The following PNKD variants were observed in gnomAD, a reference collection of about 807,000 sequenced individuals.
The protein encoded by PNKD is probable thioesterase PNKD.
In PNKD, 36 loss-of-function variants were observed where a neutral mutation model predicts 45.3. That is an observed-to-expected ratio of 0.80 (90% CI 0.61 to 1.05). The LOEUF (loss-of-function observed/expected upper bound fraction) is 1.05, where lower values mean the gene tolerates loss of function less well. Ranked by LOEUF, PNKD falls within the 50% of genes least tolerant of loss-of-function variation. The probability of loss-of-function intolerance (pLI) is 0.00; values close to 1 mark genes in which losing one functional copy is unlikely to be tolerated. For missense variants in PNKD, 511 were observed against 506.6 expected, an observed-to-expected ratio of 1.01 and a Z score of -0.08; for synonymous variants, 197 against 210.1, an observed-to-expected ratio of 0.94 and a Z score of 0.54.
chr2:218,276,119 A>C, intron 2 of PNKD: 2 of 1,601,972 alleles, frequency 1.2e-6, no homozygotes, highest in Non-Finnish European at 1.7e-6. Flanking sequence ...TAGAAACCTC[A>C]GCAAACCACA....
At chr2:218,337,499 C>T (rs1445788245) in intron 2 of PNKD, among the ~76,000 whole-genome samples, 1 of 152,214 alleles carries the variant, frequency 6.6e-6, no homozygotes, top group Non-Finnish European at 1.5e-5. Context: ...CTATTTGCAG[C>T]ATAAATAGGT....
intron 2 of PNKD, among the ~76,000 whole-genome samples, chr2:218,328,477 C>A (rs928467156): frequency 6.6e-6 from 1 of 152,192 alleles, no homozygotes; most frequent in Non-Finnish European, 1.5e-5. Context: ...CTCCCCCAAC[C>A]AGAATATGGC....
chr2:218,278,768 G>A (rs1691535938), intron 2 of PNKD, among the ~76,000 whole-genome samples: 1 of 152,246 alleles, frequency 6.6e-6, no homozygotes. Context: ...AGGAGGTCTG[G>A]GGAGGCTGCA....
chr2:218,340,925 C>G lies in PNKD; in HGVS notation c.524+139C>G. On this transcript the variant is annotated intron_variant, in intron 5 of 9. Transcript: ENST00000273077. The surrounding 1 kb of genome is among the most constrained non-coding windows in gnomAD (Gnocchi z 4.2). The stretch of plus-strand genomic sequence containing the variant: ...CGCCTTCCTCGTGAAGTCACCTGGA[C>G]ACCAGCAGGGAGGGAGGAGAGGGGA... The G allele has an allele frequency of 2.7e-6, 2 of 741,756 alleles. No homozygotes were observed. Among genetic ancestry groups the G allele is most frequent in the Non-Finnish European group, 4.9e-6 (2 of 408,306 alleles). 45.9% of individuals were successfully genotyped at this position (741,756 alleles called of 1,614,324 possible).
chr2:218,320,695 C>T (rs1693963950), intron 2 of PNKD, among the ~76,000 whole-genome samples: 1 of 152,204 alleles, frequency 6.6e-6, no homozygotes, highest in South Asian at 2.1e-4. Flanking sequence ...CAATTTGAGT[C>T]TTTGGGGAAC....
chr2:218,342,149 G>C lies in PNKD; in HGVS notation c.781+5G>C, dbSNP rs757255934. ...TGCTCTTCCTCTCTGGCTGTGGTGA[G>C]TTTCCCCGAAAGAGAGAGGAGCTGG... On this transcript the variant is annotated splice_donor_5th_base_variant and intron_variant, in intron 7 of 9. Transcript: ENST00000273077. 4 of 1,611,774 alleles carry C rather than the reference G, an allele frequency of 2.5e-6. No homozygotes were observed. The highest frequency in any genetic ancestry group is 3.3e-5 in the Admixed American group (2 of 60,022).
Position 218,277,325 on chromosome 2 carries a change from G to T in PNKD, c.236+5776G>T, listed in dbSNP as rs759570651. ...GCCGGGGTCCGGGCCTGATAAGAAA[G>T]GGGAGTCGGGGGGCCAGGGAAGGGC... On this transcript the variant is annotated intron_variant, in intron 2 of 9. Transcript: ENST00000273077. 4.4e-6 allele frequency: 7 copies of T among 1,584,926 alleles called. No individual in the cohort carries two copies. In the East Asian group the frequency reaches 1.6e-4, roughly 35 times the overall value.
intron 2 of PNKD, among the ~76,000 whole-genome samples, chr2:218,272,412 T>C (rs566783418): frequency 1.3e-5 from 2 of 152,266 alleles, no homozygotes; most frequent in South Asian, 4.1e-4. Context: ...CAGGATCTGA[T>C]TTGTGTGGGT....
At chr2:218,325,739 A>G (rs1024659025) in intron 2 of PNKD, among the ~76,000 whole-genome samples, 1 of 152,196 alleles carries the variant, frequency 6.6e-6, no homozygotes, top group Non-Finnish European at 1.5e-5. Flanking sequence ...GGGTGTGGGT[A>G]TGCCTGGAAC....
rs190414678 is a variant in PNKD, at chr2:218,294,932, C to T, written c.236+23383C>T. ...GGGGACAACAACATTCCCACCATAG[C>T]AGGCCCCTTCTCCAGAAAACACCCT... On this transcript the variant is annotated intron_variant, in intron 2 of 9. Coordinates refer to ENST00000273077, the MANE Select transcript of PNKD (RefSeq NM_015488.5). Among the ~76,000 whole-genome samples the T allele has an allele frequency of 2.0e-5, 3 of 152,312 alleles. No individual in the cohort carries two copies. The East Asian group carries it at 5.8e-4, about 29-fold the overall frequency.
chr2:218,329,415 C>A (rs1042270032), intron 2 of PNKD, among the ~76,000 whole-genome samples: 2 of 152,332 alleles, frequency 1.3e-5, no homozygotes, highest in Admixed American at 6.5e-5. Context: ...GAGCCCTTGG[C>A]GGGCAGGTGG....
intron 2 of PNKD, chr2:218,275,933 C>A (rs1691158211): frequency 1.4e-6 from 2 of 1,447,964 alleles, no homozygotes; most frequent in Admixed American, 2.0e-5. Flanking sequence ...GCCCCATTCC[C>A]TGCCTCCCAG....
intron 2 of PNKD, among the ~76,000 whole-genome samples, chr2:218,303,729 C>G (rs528382051): frequency 6.6e-6 from 1 of 151,982 alleles, no homozygotes; most frequent in Non-Finnish European, 1.5e-5. Context: ...GTGCCCACCA[C>G]CATGCCCAGC....
intron 2 of PNKD, chr2:218,274,612 TC>T (rs1356638934): frequency 6.4e-6 from 1 of 155,460 alleles, no homozygotes; most frequent in Non-Finnish European, 1.5e-5. Flanking sequence ...CCTGGCTACT[TC>T]CTGGCCACAC....
intron 2 of PNKD, chr2:218,279,055 A>G (rs1481954760): frequency 1.2e-6 from 2 of 1,614,160 alleles, no homozygotes; most frequent in East Asian, 2.2e-5. Flanking sequence ...CGTAGTAGAC[A>G]GCCACATTTC....
At chr2:218,293,114 A>G (rs1693034580) in intron 2 of PNKD, among the ~76,000 whole-genome samples, 1 of 152,262 alleles carries the variant, frequency 6.6e-6, no homozygotes, top group Non-Finnish European at 1.5e-5. Context: ...GCAAACATGC[A>G]AACCTAGAAT....
chr2:218,299,903 G>A (rs1047372808), intron 2 of PNKD, among the ~76,000 whole-genome samples: 2 of 152,134 alleles, frequency 1.3e-5, no homozygotes, highest in Non-Finnish European at 2.9e-5. Flanking sequence ...TTACAGGCGT[G>A]AGCCACCGCG....
intron 2 of PNKD, among the ~76,000 whole-genome samples, chr2:218,324,372 G>A (rs948169488): frequency 4.6e-5 from 7 of 152,178 alleles, no homozygotes; most frequent in African/African-American, 1.7e-4. Flanking sequence ...CCGAGCTTCC[G>A]AGCAGACATT....
chr2:218,279,225 C>A, intron 2 of PNKD: 3 of 1,555,722 alleles, frequency 1.9e-6, no homozygotes, highest in Non-Finnish European at 2.6e-6. Flanking sequence ...GCCACCCACA[C>A]CCCCAGCAGG....
Sources: allele counts gnomAD v4.1 joint callset (sites outside exome capture counted in the v4.1 genomes callset), GRCh38; gene constraint gnomAD v4.1.1; non-coding constraint Gnocchi (gnomAD v3.1); transcripts MANE v1.5; gene names NCBI Gene and HGNC (gene_info 2026-07-23, HGNC 2026-07-21).